Variants in LRCH3 observed in about 807,000 individuals in gnomAD.
LRCH3 encodes DISP complex protein LRCH3.
A neutral mutation model predicts 104.5 loss-of-function variants in LRCH3; 68 were observed. The observed-to-expected ratio is 0.65, with a 90% CI of 0.54 to 0.80. LRCH3 has a LOEUF of 0.80. Among genes scored for constraint, LRCH3 ranks in the 30% least tolerant of loss-of-function variants. The probability of loss-of-function intolerance (pLI) is 0.00; values close to 1 mark genes in which losing one functional copy is unlikely to be tolerated. For missense variants in LRCH3, 951 were observed against 953.9 expected (o/e 1.00, Z 0.04); for synonymous variants, 344 against 361.3 (o/e 0.95, Z 0.54).
At position 197,858,832 on chromosome 3, in the gene LRCH3, A is replaced by G. The variant is rs372432401; in HGVS notation, c.1645-2A>G. 3 of 1,612,666 alleles carry G rather than the reference A, an allele frequency of 1.9e-6. No homozygotes were observed. Among genetic ancestry groups the G allele is most frequent in the Non-Finnish European group, 2.5e-6 (3 of 1,178,668 alleles). On this transcript the variant is annotated splice_acceptor_variant, in intron 14 of 20. Transcript: ENST00000425562. LOFTEE classifies it high-confidence loss of function. ...TTCTTCTCTTTCTCATTTGAAATGT[A>G]GTCGCTGTCAGGGTTGAATCAAGTG...
Position 197,832,217 on chromosome 3 carries a change from T to G in LRCH3, c.1002T>G (p.Asp334Glu), listed in dbSNP as rs750005603. 2 of 1,613,062 alleles carry G rather than the reference T, an allele frequency of 1.2e-6. No individual in the cohort carries two copies. Among genetic ancestry groups the G allele is most frequent in the Non-Finnish European group, 1.7e-6 (2 of 1,179,268 alleles). ...TTAAGCCTACAGATGAATTTTCAGA[T>G]CTGCCTCTTCGAGTAGCAGAGATTA... ...SGNEPTDEFSDLPLRVAEITK... is the reference protein window; with the variant it reads ...SGNEPTDEFSELPLRVAEITK... The change falls in exon 8 of 21, where the codon GAT becomes GAG. Residue 334 changes from aspartate (D) to glutamate (E), a missense_variant. Coordinates refer to ENST00000425562, the MANE Select transcript of LRCH3 (RefSeq NM_001365715.1).
chr3:197,859,478 A>G (rs1472994898), intron 15 of LRCH3: 1 of 152,344 alleles, frequency 6.6e-6, no homozygotes, highest in Non-Finnish European at 1.5e-5. Context: ...AAGAAAAAAA[A>G]TCGCAAACCC....
In LRCH3 at chr3:197,847,392, T is replaced by C; in HGVS notation, c.1329-17T>C. On this transcript the variant is annotated splice_polypyrimidine_tract_variant and intron_variant, in intron 10 of 20. Transcript: ENST00000425562. ...TATCAAAGAGTTTTTTTCTTTCTTT[T>C]TTCTTTTTTGGGTCAGGGTTCCAGC... 6.4e-7 allele frequency: 1 copy of C among 1,570,350 alleles called. No homozygotes were observed.
chr3:197,819,851 A>C (rs1734282570), intron 3 of LRCH3, among the ~76,000 whole-genome samples: 1 of 152,166 alleles, frequency 6.6e-6, no homozygotes, highest in Non-Finnish European at 1.5e-5. Flanking sequence ...ATTTGGCAAG[A>C]GGTCTCTTTT....
chr3:197,820,532 T>A, intron 4 of LRCH3, 102 bp downstream of exon 4: 1 of 743,886 alleles, frequency 1.3e-6, no homozygotes, highest in South Asian at 1.8e-5. Flanking sequence ...ACATCTAGGC[T>A]GGGCGCTGTG....
At chr3:197,830,484 T>G (rs1282151055) in intron 6 of LRCH3, among the ~76,000 whole-genome samples, 1 of 152,146 alleles carries the variant, frequency 6.6e-6, no homozygotes, top group Non-Finnish European at 1.5e-5. Context: ...ACCTCTCAAA[T>G]TTTGCTTAAA....
chr3:197,838,062 A>G (rs1737128814), intron 9 of LRCH3, among the ~76,000 whole-genome samples: 2 of 122,626 alleles, frequency 1.6e-5, no homozygotes, highest in Admixed American at 7.5e-5. Flanking sequence ...TCTGTATCCA[A>G]AAAAAAAAAA....
At chr3:197,859,714 T>G (rs1390984489) in intron 15 of LRCH3, among the ~76,000 whole-genome samples, 1 of 152,224 alleles carries the variant, frequency 6.6e-6, no homozygotes, top group Non-Finnish European at 1.5e-5. Flanking sequence ...TGGTTTATAC[T>G]TCTTTTCTTT....
At chr3:197,837,679 C>T (rs1296365121) in intron 9 of LRCH3, among the ~76,000 whole-genome samples, 1 of 151,822 alleles carries the variant, frequency 6.6e-6, no homozygotes, top group African/African-American at 2.4e-5. Flanking sequence ...TTTAATTAAA[C>T]CAATGTCACA....
intron 9 of LRCH3, among the ~76,000 whole-genome samples, chr3:197,838,865 T>C (rs1266985174): frequency 6.6e-6 from 1 of 152,216 alleles, no homozygotes; most frequent in Non-Finnish European, 1.5e-5. Context: ...AGACAATTTG[T>C]TGTGATGGAT....
At position 197,856,618 on chromosome 3, in the gene LRCH3, C is replaced by T. The variant is rs1437618511; in HGVS notation, c.1644+2173C>T. On this transcript the variant is annotated intron_variant, in intron 14 of 20. Transcript: ENST00000425562. The surrounding 1 kb of genome is among the most constrained non-coding windows in gnomAD (Gnocchi z 4.2). ...CCCAGGCTGGTCTCTAACTCCAGGG[C>T]TCAAGCAATCCTCCTGCCCCAGCCT... Among the ~76,000 whole-genome samples the T allele has an allele frequency of 6.6e-6, 1 of 151,996 alleles. No individual in the cohort carries two copies. Among genetic ancestry groups the T allele is most frequent in the Non-Finnish European group, 1.5e-5 (1 of 67,984 alleles).
intron 1 of LRCH3, among the ~76,000 whole-genome samples, chr3:197,796,268 G>A (rs532333353): frequency 3.3e-5 from 5 of 152,150 alleles, no homozygotes; most frequent in African/African-American, 9.6e-5. Flanking sequence ...GGAGATAGAC[G>A]GGTGGAAGGA....
rs1714231740 is a variant in LRCH3, at chr3:197,886,815, A to AC, written c.*3149_*3150insC. 6.6e-6 allele frequency: 1 copy of AC among 151,952 alleles called. No homozygotes were observed. Among genetic ancestry groups the AC allele is most frequent in the African/African-American group, 2.4e-5 (1 of 41,304 alleles). 9.4% of individuals were successfully genotyped at this position (151,952 alleles called of 1,614,324 possible). A position where few individuals can be genotyped will look rare whatever the true frequency, so the allele number is the denominator to read the frequency against. Reference sequence around the variant, plus strand: ...GCGAGACTCTGTCTCAAAAAAAAAAAAAAAAAAAAACCCACCAAACCAAAA... The same window carrying AC: ...GCGAGACTCTGTCTCAAAAAAAAAAACAAAAAAAAAACCCACCAAACCAAAA... On this transcript the variant is annotated 3_prime_UTR_variant, in exon 21 of 21. Coordinates refer to ENST00000425562, the MANE Select transcript of LRCH3 (RefSeq NM_001365715.1).
intron 20 of LRCH3, among the ~76,000 whole-genome samples, chr3:197,877,659 G>T (rs370770910): frequency 6.6e-6 from 1 of 152,218 alleles, no homozygotes; most frequent in Admixed American, 6.5e-5. Context: ...AAGAGAGAGC[G>T]CCCAGCTCCA....
intron 10 of LRCH3, among the ~76,000 whole-genome samples, chr3:197,843,321 A>G (rs1738097039): frequency 6.6e-6 from 1 of 152,152 alleles, no homozygotes; most frequent in Non-Finnish European, 1.5e-5. Flanking sequence ...AAAACAGAGA[A>G]GGCAGTTTAG....
intron 17 of LRCH3, among the ~76,000 whole-genome samples, chr3:197,869,647 G>C (rs1349111761): frequency 8.4e-5 from 9 of 107,390 alleles, no homozygotes; most frequent in African/African-American, 2.2e-4. Context: ...AAGCCATGCA[G>C]TGTACCTGCA....
In LRCH3 at chr3:197,883,913, C is replaced by A. The variant is rs2109588074; in HGVS notation, c.*247C>A. 5 of 395,108 alleles carry A rather than the reference C, an allele frequency of 1.3e-5. No individual in the cohort carries two copies. Among genetic ancestry groups the A allele is most frequent in the Non-Finnish European group, 2.2e-5 (5 of 225,038 alleles). The allele number at this position is 395,108 out of a possible 1,614,324, so 24.5% of individuals were successfully genotyped here. On this transcript the variant is annotated 3_prime_UTR_variant, in exon 21 of 21. Transcript: ENST00000425562. This position sits in a 1 kb window ranked among gnomAD's most constrained non-coding sequence, Gnocchi z 4.2. ...GAAACTTCTCTTACTGAAAACCCAGCACCTAACTTGGCTGTGTTTTCCTGG... is the reference window on the plus strand; with the variant it reads ...GAAACTTCTCTTACTGAAAACCCAGAACCTAACTTGGCTGTGTTTTCCTGG...
At chr3:197,792,306 T>C (rs1000508570) in intron 1 of LRCH3, among the ~76,000 whole-genome samples, 2 of 151,836 alleles carry the variant, frequency 1.3e-5, no homozygotes, top group African/African-American at 2.4e-5. Context: ...GAAAAGATAG[T>C]CTAACATATT....
chr3:197,832,335 G>T lies in LRCH3; in HGVS notation c.1102+18G>T. On this transcript the variant is annotated intron_variant, in intron 8 of 20. Transcript: ENST00000425562. The stretch of plus-strand genomic sequence containing the variant: ...CGGCGGAGGTAAACATAATTCCGGT[G>T]ACAGCTAAAGTGTTTGCAACCATTT... 2 of 1,610,050 alleles carry T rather than the reference G, an allele frequency of 1.2e-6. No individual in the cohort carries two copies. The highest frequency in any genetic ancestry group is 2.2e-5 in the South Asian group (2 of 90,440).
Sources: allele counts gnomAD v4.1 joint callset (sites outside exome capture counted in the v4.1 genomes callset), GRCh38; gene constraint gnomAD v4.1.1; non-coding constraint Gnocchi (gnomAD v3.1); transcripts MANE v1.5; gene names NCBI Gene and HGNC (gene_info 2026-07-23, HGNC 2026-07-21).